Variants in NEK10 observed in about 807,000 individuals in gnomAD.
NEK10 encodes the protein serine/threonine-protein kinase Nek10.
NEK10 carries 122 observed loss-of-function variants against 159.8 expected under a neutral mutation model. The ratio of observed to expected loss-of-function variants is 0.76; its 90% confidence interval spans 0.66 to 0.89. NEK10 has a LOEUF of 0.89. Ranked by LOEUF, NEK10 falls within the 40% of genes least tolerant of loss-of-function variation. The pLI, the probability that NEK10 is intolerant of heterozygous loss-of-function variation, is 0.00. For missense variants in NEK10, 1,342 were observed against 1,323.1 expected, an observed-to-expected ratio of 1.01 and a Z score of -0.22; for synonymous variants, 466 against 457.1, an observed-to-expected ratio of 1.02 and a Z score of -0.25.
intron 1 of NEK10, among the ~76,000 whole-genome samples, chr3:27,366,997 A>T (rs1051885238): frequency 3.3e-5 from 5 of 151,538 alleles, no homozygotes; most frequent in African/African-American, 1.2e-4. Flanking sequence ...TTTTGTAGAG[A>T]TGGGGTTTCA....
chr3:27,227,057 CATTCATTCATTT>C (rs1354218620), intron 23 of NEK10, among the ~76,000 whole-genome samples: 1 of 152,194 alleles, frequency 6.6e-6, no homozygotes, highest in African/African-American at 2.4e-5. Flanking sequence ...TTCATTTATT[CATTCATTCATTT>C]ATTCATTGAA....
intron 30 of NEK10, among the ~76,000 whole-genome samples, chr3:27,160,065 G>A (rs569174580): frequency 1.3e-5 from 2 of 152,032 alleles, no homozygotes; most frequent in East Asian, 1.9e-4. Context: ...CCAAGAAAGC[G>A]AGACCAAATG....
chr3:27,309,816 G>T (rs1414901172), intron 9 of NEK10: 1 of 152,010 alleles, frequency 6.6e-6, no homozygotes, highest in African/African-American at 2.4e-5. Flanking sequence ...GAATACTATC[G>T]AGCATTCCAT....
intron 22 of NEK10, among the ~76,000 whole-genome samples, chr3:27,281,737 C>T (rs573413104): frequency 1.6e-4 from 24 of 152,142 alleles, no homozygotes; most frequent in African/African-American, 4.6e-4. Flanking sequence ...AGTCTACAAT[C>T]GGAAGACCAA....
intron 22 of NEK10, among the ~76,000 whole-genome samples, chr3:27,273,866 G>C (rs561930610): frequency 6.6e-6 from 1 of 152,234 alleles, no homozygotes; most frequent in East Asian, 1.9e-4. Flanking sequence ...GCAGGAGTCA[G>C]TGAGGGACGG....
chr3:27,181,801 T>G (rs1308719209), intron 26 of NEK10, among the ~76,000 whole-genome samples: 1 of 152,186 alleles, frequency 6.6e-6, no homozygotes, highest in African/African-American at 2.4e-5. Context: ...AATACTAGAA[T>G]AGGTCCCAGG....
chr3:27,143,445 C>A, intron 30 of NEK10: 1 of 761,572 alleles, frequency 1.3e-6, no homozygotes, highest in South Asian at 1.4e-5. Context: ...TTGACTCTAC[C>A]TTGCCACAAG....
At chr3:27,134,417 C>A (rs1023176808) in intron 31 of NEK10, among the ~76,000 whole-genome samples, 1 of 152,186 alleles carries the variant, frequency 6.6e-6, no homozygotes, top group African/African-American at 2.4e-5. Flanking sequence ...CAGCTGACTG[C>A]AAGGGGCTGT....
chr3:27,216,387 T>A (rs1321663352), intron 23 of NEK10: 1 of 152,498 alleles, frequency 6.6e-6, no homozygotes, highest in Admixed American at 6.5e-5. Flanking sequence ...TTTCTATATA[T>A]CAGGTGTGGC....
intron 23 of NEK10, among the ~76,000 whole-genome samples, chr3:27,227,196 G>A (rs1159930521): frequency 6.6e-6 from 1 of 152,192 alleles, no homozygotes; most frequent in African/African-American, 2.4e-5. Flanking sequence ...TGGAGGTGTA[G>A]AAATTGATAC....
At chr3:27,235,189 T>G (rs934262778) in intron 23 of NEK10, among the ~76,000 whole-genome samples, 2 of 151,976 alleles carry the variant, frequency 1.3e-5, no homozygotes. Context: ...CAATACCATT[T>G]AGGACATAGG....
At chr3:27,284,258 G>C (rs1298783778) in intron 22 of NEK10, among the ~76,000 whole-genome samples, 1 of 152,050 alleles carries the variant, frequency 6.6e-6, no homozygotes, top group Non-Finnish European at 1.5e-5. Context: ...GGTGGCGGGT[G>C]CCCATAATCC....
At chr3:27,167,420 A>G (rs190720161) in intron 29 of NEK10, among the ~76,000 whole-genome samples, 3 of 152,358 alleles carry the variant, frequency 2.0e-5, no homozygotes, top group African/African-American at 7.2e-5. Context: ...AAACAAATGA[A>G]TGAAGGTTCT....
At chr3:27,135,397 T>C (rs982424674) in intron 31 of NEK10, among the ~76,000 whole-genome samples, 1 of 152,220 alleles carries the variant, frequency 6.6e-6, no homozygotes, top group African/African-American at 2.4e-5. Flanking sequence ...ACCTAAAAGC[T>C]TGGTTTTTGT....
At chr3:27,328,877 T>G (rs1168130859) in intron 5 of NEK10, among the ~76,000 whole-genome samples, 1 of 152,044 alleles carries the variant, frequency 6.6e-6, no homozygotes, top group East Asian at 1.9e-4. Context: ...ACACATTGAG[T>G]GAGAAAACTC....
chr3:27,300,543 T>C (rs1287968472), intron 13 of NEK10, among the ~76,000 whole-genome samples: 1 of 152,222 alleles, frequency 6.6e-6, no homozygotes, highest in Non-Finnish European at 1.5e-5. Flanking sequence ...TAAGGCTCAA[T>C]GAGATACTAC....
At chr3:27,232,596 C>T (rs528840430) in intron 23 of NEK10, among the ~76,000 whole-genome samples, 2 of 151,880 alleles carry the variant, frequency 1.3e-5, no homozygotes, top group African/African-American at 4.8e-5. Flanking sequence ...AAAGAGCCCA[C>T]ATAGCCAAAG....
intron 5 of NEK10, among the ~76,000 whole-genome samples, chr3:27,331,127 C>T (rs1317873571): frequency 2.6e-5 from 4 of 151,496 alleles, no homozygotes; most frequent in South Asian, 2.1e-4. Flanking sequence ...ATCCCAGCTA[C>T]TCGGGAGGCC....
At chr3:27,255,278 G>C (rs1039510784) in intron 23 of NEK10, 1 of 436,062 alleles carries the variant, frequency 2.3e-6, no homozygotes, top group Non-Finnish European at 4.6e-6. Flanking sequence ...GCCTGCCACA[G>C]TTTCTTTGCA....
Sources: allele counts gnomAD v4.1 joint callset (sites outside exome capture counted in the v4.1 genomes callset), GRCh38; gene constraint gnomAD v4.1.1; transcripts MANE v1.5; gene names NCBI Gene and HGNC (gene_info 2026-07-23, HGNC 2026-07-21).